The following RPS6KC1 variants were observed in gnomAD, a reference collection of about 807,000 sequenced individuals.
RPS6KC1 encodes inactive ribosomal protein S6 kinase delta-1.
Under a neutral mutation model 103.8 loss-of-function variants are expected in RPS6KC1, and 54 were observed. The observed-to-expected ratio is 0.52, with a 90% confidence interval of 0.42 to 0.65. RPS6KC1 has a LOEUF of 0.65. Ranked by LOEUF, RPS6KC1 falls within the 30% of genes least tolerant of loss-of-function variation. The pLI is 0.00. For synonymous variants in RPS6KC1, 439 were observed against 438.7 expected, an observed-to-expected ratio of 1.00 and a Z score of -0.01; for missense variants, 1,151 against 1,253.8, an observed-to-expected ratio of 0.92 and a Z score of 1.24.
chr1:213,301,693 A>G, the RPS6KC1 span, among the ~76,000 whole-genome samples: 1 of 136,556 alleles, frequency 7.3e-6, no homozygotes, highest in Non-Finnish European at 1.6e-5. Flanking sequence ...AGCAAGACCC[A>G]TTTACTTATT....
At chr1:213,468,604 T>G in the RPS6KC1 span, among the ~76,000 whole-genome samples, 1 of 152,174 alleles carries the variant, frequency 6.6e-6, no homozygotes, top group Non-Finnish European at 1.5e-5. Context: ...AACTTACGAA[T>G]TAATCCATGA....
At chr1:213,494,073 A>G in the RPS6KC1 span, among the ~76,000 whole-genome samples, 1 of 152,138 alleles carries the variant, frequency 6.6e-6, no homozygotes, top group African/African-American at 2.4e-5. Context: ...ATAACTCTGT[A>G]GTATATGATG....
chr1:213,191,145 A>G (rs1218636005), intron 8 of RPS6KC1, among the ~76,000 whole-genome samples: 1 of 152,132 alleles, frequency 6.6e-6, no homozygotes, highest in African/African-American at 2.4e-5. Context: ...TTGTGGTTAT[A>G]TATAAATTTT....
chr1:213,450,623 G>C, the RPS6KC1 span, among the ~76,000 whole-genome samples: 1 of 152,216 alleles, frequency 6.6e-6, no homozygotes, highest in Admixed American at 6.5e-5. Context: ...CCTGGAGTCA[G>C]GAGTTAAATT....
rs537893216 is a variant in RPS6KC1 at position 213,182,914 on chromosome 1, CATG to C, written c.1044+6425_1044+6427del. Among the ~76,000 whole-genome samples, 13 of 148,172 alleles carry C rather than the reference CATG, an allele frequency of 8.8e-5. No individual in the cohort carries two copies. The South Asian group carries it at 2.5e-3, about 29-fold the overall frequency. On this transcript the variant is annotated intron_variant, in intron 8 of 14. Transcript: ENST00000366960. ...TATGACGTATATATCATATATATAT[CATG>C]ATATATATCATGTTTGAAGTTTCTT...
At chr1:213,811,083 G>A in the RPS6KC1 span, among the ~76,000 whole-genome samples, 1 of 152,166 alleles carries the variant, frequency 6.6e-6, no homozygotes, top group South Asian at 2.1e-4. Flanking sequence ...AGCTTGGTTT[G>A]TGGTTATTTA....
At chr1:213,452,126 T>C in the RPS6KC1 span, among the ~76,000 whole-genome samples, 3 of 152,214 alleles carry the variant, frequency 2.0e-5, no homozygotes, top group Non-Finnish European at 4.4e-5. Flanking sequence ...TTTTGAATCT[T>C]GTTCTTGAGC....
At chr1:213,386,932 G>C in the RPS6KC1 span, among the ~76,000 whole-genome samples, 1 of 152,176 alleles carries the variant, frequency 6.6e-6, no homozygotes, top group Non-Finnish European at 1.5e-5. Context: ...AAGTCATCAA[G>C]GCCTTTAGAC....
At chr1:213,649,992 T>C in the RPS6KC1 span, among the ~76,000 whole-genome samples, 1 of 152,070 alleles carries the variant, frequency 6.6e-6, no homozygotes, top group African/African-American at 2.4e-5. Flanking sequence ...CAACTGAGAG[T>C]AGGTATTATG....
Position 213,261,538 on chromosome 1 carries a change from A to T in RPS6KC1, c.2912-20A>T, listed in dbSNP as rs1422486913. The T allele has an allele frequency of 1.2e-6, 2 of 1,609,220 alleles. No homozygotes were observed. Among genetic ancestry groups the T allele is most frequent in the Admixed American group, 1.7e-5 (1 of 59,610 alleles). On this transcript the variant is annotated intron_variant, in intron 12 of 14. Transcript: ENST00000366960. ...ATTGACCTTTGGAATTTTAATATCAACCTTTTTTGGTGTGGTTAGAGGTTG... is the reference window on the plus strand; with the variant it reads ...ATTGACCTTTGGAATTTTAATATCATCCTTTTTTGGTGTGGTTAGAGGTTG...
chr1:213,714,538 C>CCTGT, the RPS6KC1 span, among the ~76,000 whole-genome samples: 40,517 of 152,044 alleles, frequency 0.27, 6,026 homozygotes, highest in African/African-American at 0.39. Flanking sequence ...GTCCTGAGAG[C>CCTGT]CCTGATGGCC....
the RPS6KC1 span, among the ~76,000 whole-genome samples, chr1:213,381,389 G>C: frequency 5.8e-4 from 88 of 152,078 alleles, no homozygotes; most frequent in African/African-American, 2.0e-3. Context: ...CCAACCTTAT[G>C]TTGCACCTGC....
the RPS6KC1 span, among the ~76,000 whole-genome samples, chr1:213,749,290 G>A: frequency 6.6e-6 from 1 of 152,242 alleles, no homozygotes; most frequent in East Asian, 1.9e-4. Flanking sequence ...TGTGCATGGA[G>A]TAGGTAGGAC....
the RPS6KC1 span, among the ~76,000 whole-genome samples, chr1:213,548,751 G>A: frequency 1.3e-5 from 2 of 152,072 alleles, no homozygotes; most frequent in African/African-American, 2.4e-5. Flanking sequence ...GGACACACAG[G>A]TATTAGTAAT....
the RPS6KC1 span, among the ~76,000 whole-genome samples, chr1:213,368,780 T>C: frequency 6.6e-6 from 1 of 152,164 alleles, no homozygotes; most frequent in African/African-American, 2.4e-5. Flanking sequence ...CGGACAGATA[T>C]GGAGAGAAAT....
At chr1:213,717,744 A>G in the RPS6KC1 span, among the ~76,000 whole-genome samples, 7 of 152,222 alleles carry the variant, frequency 4.6e-5, no homozygotes, top group Non-Finnish European at 1.5e-5. Context: ...AACAGCAAGC[A>G]CTCAATAAAT....
the RPS6KC1 span, among the ~76,000 whole-genome samples, chr1:213,633,871 A>G: frequency 3.0e-5 from 3 of 101,668 alleles, no homozygotes; most frequent in Non-Finnish European, 5.9e-5. Flanking sequence ...AGCAAATGGA[A>G]AGCAAAAAAA....
At chr1:213,178,128 GTGA>G (rs2092005679) in intron 8 of RPS6KC1, among the ~76,000 whole-genome samples, 1 of 151,522 alleles carries the variant, frequency 6.6e-6, no homozygotes, top group Admixed American at 6.6e-5. Context: ...TGAGGCTGCC[GTGA>G]GCCGTGGTCA....
chr1:213,370,282 A>ATTTTATTTTATTTTAT, the RPS6KC1 span, among the ~76,000 whole-genome samples: 1 of 149,158 alleles, frequency 6.7e-6, no homozygotes, highest in African/African-American at 2.5e-5. Flanking sequence ...ATTTTATTTT[A>ATTTTATTTTATTTTAT]TTTTTTTTGC....
Sources: gnomAD v4.1 joint callset for allele counts (sites outside exome capture counted in the v4.1 genomes callset) on GRCh38, gnomAD v4.1.1 for gene constraint, MANE v1.5 for transcripts, NCBI Gene and HGNC (gene_info 2026-07-23, HGNC 2026-07-21) for gene names.